DDX19B: variants seen among roughly 807,000 people sequenced by gnomAD.
The protein encoded by DDX19B is ATP-dependent RNA helicase DDX19B.
Under a neutral mutation model 58.1 loss-of-function variants are expected in DDX19B, and 27 were observed. The observed-to-expected ratio is 0.46, with a 90% CI of 0.34 to 0.64. DDX19B has a LOEUF of 0.64. Among genes scored for constraint, DDX19B ranks in the 30% least tolerant of loss-of-function variants. DDX19B has a pLI of 0.01. For missense variants in DDX19B, 399 were observed against 596.5 expected, an observed-to-expected ratio of 0.67 and a Z score of 3.45; for synonymous variants, 187 against 214.4, an observed-to-expected ratio of 0.87 and a Z score of 1.12.
At chr16:70,320,608 C>T (rs995515566) in intron 5 of DDX19B, among the ~76,000 whole-genome samples, 2 of 151,092 alleles carry the variant, frequency 1.3e-5, no homozygotes, top group Non-Finnish European at 2.9e-5. Flanking sequence ...AGTGCAGTGG[C>T]GTGATCTTGG....
Position 70,333,142 on chromosome 16 carries a change from G to A in DDX19B, c.1361G>A (p.Arg454Lys). The A allele has an allele frequency of 7.4e-6, 11 of 1,488,316 alleles. No homozygotes were observed. Among genetic ancestry groups the A allele is most frequent in the Non-Finnish European group, 1.0e-5 (11 of 1,104,338 alleles). The allele number at this position is 1,488,316 out of a possible 1,614,324, so 92.2% of individuals were successfully genotyped here. A position where few individuals can be genotyped will look rare whatever the true frequency, so the allele number is the denominator to read the frequency against. ...DSKHSMNILN[R>K]IQEHFNKKIE... Reference sequence around the variant, plus strand: ...AAGCACAGCATGAACATCCTGAACAGAATCCAGGAGCATTTTAGTGAGTCC... The same window carrying A: ...AAGCACAGCATGAACATCCTGAACAAAATCCAGGAGCATTTTAGTGAGTCC... Residue 454 changes from arginine to lysine, a missense_variant, in exon 11 of 12, where the codon AGA becomes AAA. Arg to Lys is a conservative substitution (Grantham distance 26). This residue lies in a region of DDX19B where 198 missense variants were observed against 345.9 expected (regional missense o/e 0.57). Transcript: ENST00000288071.
At chr16:70,302,520 T>C (rs932067195) in intron 1 of DDX19B, among the ~76,000 whole-genome samples, 1 of 152,218 alleles carries the variant, frequency 6.6e-6, no homozygotes, top group Non-Finnish European at 1.5e-5. Flanking sequence ...AAGTCTGGCT[T>C]CTTCCACTTA....
chr16:70,292,953 A>G (rs1376423261), upstream of DDX19B, among the ~76,000 whole-genome samples: 1 of 152,074 alleles, frequency 6.6e-6, no homozygotes, highest in Admixed American at 6.6e-5. Flanking sequence ...TAAAAATACT[A>G]AAATTATCTG....
At chr16:70,303,887 C>G (rs1450592913) in intron 1 of DDX19B, among the ~76,000 whole-genome samples, 1 of 151,742 alleles carries the variant, frequency 6.6e-6, no homozygotes, top group Non-Finnish European at 1.5e-5. Context: ...ATGATTAGTT[C>G]TTTTTGTGTT....
At chr16:70,323,676 G>A (rs1279295904) in intron 5 of DDX19B, among the ~76,000 whole-genome samples, 3 of 150,818 alleles carry the variant, frequency 2.0e-5, no homozygotes, top group South Asian at 2.1e-4. Flanking sequence ...CACCCACCTC[G>A]GCCTCCCAAA....
At chr16:70,325,890 G>A (rs551806369) in intron 7 of DDX19B, among the ~76,000 whole-genome samples, 3 of 152,134 alleles carry the variant, frequency 2.0e-5, no homozygotes, top group Non-Finnish European at 4.4e-5. Context: ...CTGCAGACAT[G>A]CACCTCATGA....
At chr16:70,291,521 T>C (rs1409742185), upstream of DDX19B, among the ~76,000 whole-genome samples, 1 of 152,068 alleles carries the variant, frequency 6.6e-6, no homozygotes, top group Admixed American at 6.6e-5. Context: ...ATTAAAATAA[T>C]TTTTTGGCCT....
chr16:70,318,029 C>T (rs1476546631), intron 5 of DDX19B: 3 of 150,300 alleles, frequency 2.0e-5, no homozygotes, highest in African/African-American at 7.4e-5. Context: ...CATGTCACTG[C>T]ACTCCAGCCT....
chr16:70,331,977 G>GT (rs1428569745), intron 10 of DDX19B, 93 bp downstream of exon 10: 28 of 1,521,818 alleles, frequency 1.8e-5, no homozygotes, highest in Non-Finnish European at 2.4e-5. Flanking sequence ...AAGTCGGATG[G>GT]TCTCAGGGAG....
At chr16:70,329,243 A>G (rs1567638597) in intron 7 of DDX19B, 49 bp from the exon 8 acceptor site, 12 of 1,500,196 alleles carry the variant, frequency 8.0e-6, no homozygotes, top group Admixed American at 2.1e-5. Flanking sequence ...AAAAAAAAAA[A>G]GAAAGAAAGA....
intron 4 of DDX19B, among the ~76,000 whole-genome samples, chr16:70,316,789 G>C (rs1406349639): frequency 6.6e-6 from 1 of 152,090 alleles, no homozygotes; most frequent in Non-Finnish European, 1.5e-5. Flanking sequence ...ACTATGTGTA[G>C]GCCAGGCATA....
intron 5 of DDX19B, 96 bp from the exon 6 acceptor site, chr16:70,324,489 G>A: frequency 9.8e-7 from 1 of 1,022,534 alleles, no homozygotes; most frequent in Non-Finnish European, 1.5e-6. Flanking sequence ...CATAATCCAA[G>A]GTCTCCTATA....
At position 70,331,702 on chromosome 16, in the gene DDX19B, A is replaced by T. The variant is rs1963484469; in HGVS notation, c.1024-20A>T. ...GTTTTTAACAGGTCTCTTCATAAAA[A>T]ACAATTCTTTTCACTACAGACTCGC... On this transcript the variant is annotated intron_variant, in intron 9 of 11. Coordinates refer to ENST00000288071, the MANE Select transcript of DDX19B (RefSeq NM_007242.7). 6.2e-7 allele frequency: 1 copy of T among 1,608,214 alleles called. No homozygotes were observed. Among genetic ancestry groups the T allele is most frequent in the Non-Finnish European group, 8.5e-7 (1 of 1,178,268 alleles).
At chr16:70,301,242 T>C (rs1961470253) in intron 1 of DDX19B, among the ~76,000 whole-genome samples, 1 of 152,212 alleles carries the variant, frequency 6.6e-6, no homozygotes, top group Admixed American at 6.6e-5. Flanking sequence ...GTACGGGAAG[T>C]AAATTACTTT....
chr16:70,308,448 G>T (rs1212443562), intron 1 of DDX19B, among the ~76,000 whole-genome samples: 3 of 140,788 alleles, frequency 2.1e-5, no homozygotes, highest in Admixed American at 7.1e-5. Context: ...TGTTGGTCAG[G>T]CTGGTCTCGA....
chr16:70,327,463 G>A (rs1041247491), intron 7 of DDX19B, among the ~76,000 whole-genome samples: 11 of 152,082 alleles, frequency 7.2e-5, no homozygotes, highest in Non-Finnish European at 1.0e-4. Context: ...AACCCGGGAG[G>A]TGGAGGTTGC....
At chr16:70,294,069 T>C (rs1239777556), upstream of DDX19B, among the ~76,000 whole-genome samples, 1 of 143,126 alleles carries the variant, frequency 7.0e-6, no homozygotes, top group Non-Finnish European at 1.5e-5. Flanking sequence ...CCTGAGAGCC[T>C]GAATTTTTTT....
chr16:70,329,570 C>T lies in DDX19B; in HGVS notation c.785+101C>T, dbSNP rs370143314. ...TCTGGCTTCTGCCTGGGTCTTGGCT[C>T]TCGTACTCTCAGCAGCATTTGTTTG... On this transcript the variant is annotated intron_variant, in intron 8 of 11. Coordinates refer to ENST00000288071, the MANE Select transcript of DDX19B (RefSeq NM_007242.7). 3.3e-6 allele frequency: 5 copies of T among 1,521,654 alleles called. No homozygotes were observed. The South Asian group carries it at 3.6e-5, about 11-fold the overall frequency. 94.3% of individuals were successfully genotyped at this position (1,521,654 alleles called of 1,614,324 possible).
At chr16:70,322,523 C>T (rs901393835) in intron 5 of DDX19B, among the ~76,000 whole-genome samples, 1 of 135,728 alleles carries the variant, frequency 7.4e-6, no homozygotes, top group Non-Finnish European at 1.5e-5. Flanking sequence ...CGCATAGTGG[C>T]GGTTGCAGTG....
Sources: allele counts gnomAD v4.1 joint callset (sites outside exome capture counted in the v4.1 genomes callset), GRCh38; gene constraint gnomAD v4.1.1; regional missense constraint gnomAD v4.1.1; transcripts MANE v1.5; gene names NCBI Gene and HGNC (gene_info 2026-07-23, HGNC 2026-07-21).